PCDHGA3: variants seen among roughly 807,000 people sequenced by gnomAD.
PCDHGA3 encodes the protein protocadherin gamma-A3.
PCDHGA3 carries 40 observed loss-of-function variants against 58.5 expected under a neutral mutation model. That is an observed-to-expected ratio of 0.68 (90% CI 0.53 to 0.89). The LOEUF (loss-of-function observed/expected upper bound fraction) is 0.89, where lower values mean the gene tolerates loss of function less well. Among genes scored for constraint, PCDHGA3 ranks in the 40% least tolerant of loss-of-function variants. The pLI is 0.00. For synonymous variants in PCDHGA3, 530 were observed against 525.7 expected (o/e 1.01, Z -0.11); for missense variants, 1,223 against 1,195.9 (o/e 1.02, Z -0.33).
chr5:141,497,495 T>C (rs193075970), intron 2 of PCDHGA3, among the ~76,000 whole-genome samples: 28 of 151,186 alleles, frequency 1.9e-4, no homozygotes, highest in Admixed American at 1.7e-3. Context: ...TCTCTCTCTC[T>C]CCTCTCTCTG....
rs1258015592 is a variant in PCDHGA3, at chr5:141,346,231, C to G, written c.2198C>G (p.Ala733Gly). ...RLLQASGGGL[A>G]STPGSHFVGA... Reference sequence around the variant, plus strand: ...CTGCAGGCTTCGGGAGGCGGCTTGGCGAGTACGCCCGGCTCGCACTTTGTG... The same window carrying G: ...CTGCAGGCTTCGGGAGGCGGCTTGGGGAGTACGCCCGGCTCGCACTTTGTG... Residue 733 changes from alanine to glycine, a missense_variant, in exon 1 of 4, where the codon GCG becomes GGG. By Grantham distance (60) the Ala-to-Gly change is moderately conservative. Coordinates refer to ENST00000253812, the MANE Select transcript of PCDHGA3 (RefSeq NM_018916.4). 1.9e-6 allele frequency: 3 copies of G among 1,614,200 alleles called. No homozygotes were observed. Among genetic ancestry groups the G allele is most frequent in the Non-Finnish European group, 2.5e-6 (3 of 1,180,042 alleles).
At position 141,427,298 on chromosome 5, in the gene PCDHGA3, G is replaced by A. The variant is rs960474831; in HGVS notation, c.2425-67509G>A. The A allele has an allele frequency of 8.8e-6, 4 of 456,870 alleles. No individual in the cohort carries two copies. The Admixed American group carries it at 9.4e-5, about 11-fold the overall frequency. 28.3% of individuals were successfully genotyped at this position (456,870 alleles called of 1,614,324 possible). A position where few individuals can be genotyped will look rare whatever the true frequency, so the allele number is the denominator to read the frequency against. On this transcript the variant is annotated intron_variant, in intron 1 of 3. Coordinates refer to ENST00000253812, the MANE Select transcript of PCDHGA3 (RefSeq NM_018916.4). ...AAATTATACTAGAAATCCTAGATGA[G>A]AATGACAATGCCCCAGACGTGGTTT...
At chr5:141,404,408 A>G in intron 1 of PCDHGA3, 1 of 1,613,900 alleles carries the variant, frequency 6.2e-7, no homozygotes, top group Non-Finnish European at 8.5e-7. Flanking sequence ...TGAGAATTCT[A>G]GAGTTATTTA....
intron 1 of PCDHGA3, chr5:141,389,276 G>A (rs375882135): frequency 8.7e-6 from 14 of 1,613,858 alleles, no homozygotes; most frequent in Admixed American, 1.7e-5. Flanking sequence ...AGAACAACCC[G>A]CCTGGAGCCT....
chr5:141,383,272 G>C (rs369691483), intron 1 of PCDHGA3: 1 of 1,613,802 alleles, frequency 6.2e-7, no homozygotes, highest in Non-Finnish European at 8.5e-7. Flanking sequence ...GGAAATAATA[G>C]ATATTAATGA....
At chr5:141,385,442 G>A (rs949035085) in intron 1 of PCDHGA3, 28 of 1,449,952 alleles carry the variant, frequency 1.9e-5, no homozygotes, top group South Asian at 1.5e-5. Flanking sequence ...AGGTAAAAAT[G>A]AGTTTACCAG....
intron 1 of PCDHGA3, chr5:141,441,943 C>CT: frequency 1.2e-5 from 4 of 336,004 alleles, no homozygotes; most frequent in South Asian, 1.1e-4. Flanking sequence ...CTACCACGTG[C>CT]TGCAGGCCAG....
chr5:141,397,700 G>A (rs2093557870), intron 1 of PCDHGA3, among the ~76,000 whole-genome samples: 2 of 152,224 alleles, frequency 1.3e-5, no homozygotes, highest in Admixed American at 1.3e-4. Flanking sequence ...AAAACCCAAC[G>A]TGATATTTCT....
intron 3 of PCDHGA3, among the ~76,000 whole-genome samples, chr5:141,510,468 A>G (rs1246106107): frequency 2.0e-5 from 3 of 152,152 alleles, no homozygotes; most frequent in Admixed American, 2.0e-4. Flanking sequence ...TGTGGGAGTC[A>G]GAGGCTCCCT....
chr5:141,483,442 AATCATCAGGACTTGTTG>A (rs2099581330), intron 1 of PCDHGA3, among the ~76,000 whole-genome samples: 1 of 152,196 alleles, frequency 6.6e-6, no homozygotes, highest in Non-Finnish European at 1.5e-5. Context: ...ACTACAATAA[AATCATCAGGACTTGTTG>A]ATTGACATGA....
intron 1 of PCDHGA3, chr5:141,422,401 C>G: frequency 6.3e-7 from 1 of 1,598,896 alleles, no homozygotes; most frequent in Non-Finnish European, 8.5e-7. Context: ...TAACCACCTG[C>G]CTTTTAAATT....
At chr5:141,475,903 G>A in intron 1 of PCDHGA3, 1 of 576,064 alleles carries the variant, frequency 1.7e-6, no homozygotes. Context: ...TGCCGCTGTC[G>A]GCCAATGAAG....
chr5:141,357,567 G>C (rs751974557), intron 1 of PCDHGA3: 39 of 1,614,096 alleles, frequency 2.4e-5, no homozygotes, highest in Non-Finnish European at 3.2e-5. Context: ...AGAAAAGCGA[G>C]CCTCTTCTGA....
chr5:141,407,616 C>T (rs752226894), intron 1 of PCDHGA3, among the ~76,000 whole-genome samples: 3 of 151,970 alleles, frequency 2.0e-5, no homozygotes, highest in Non-Finnish European at 4.4e-5. Flanking sequence ...CATTGGTTGA[C>T]ATTCTATATC....
Position 141,431,300 on chromosome 5 carries a change from A to G in PCDHGA3, c.2425-63507A>G, listed in dbSNP as rs200375087. 7.4e-6 allele frequency: 12 copies of G among 1,614,008 alleles called. No homozygotes were observed. Among genetic ancestry groups the G allele is most frequent in the Admixed American group, 1.7e-5 (1 of 60,010 alleles). ...CAGCCCGAACACTCACTTCTCCCTC[A>G]TCGTGCAAAATGGAGCCGACGGTAG... On this transcript the variant is annotated intron_variant, in intron 1 of 3. Coordinates refer to ENST00000253812, the MANE Select transcript of PCDHGA3 (RefSeq NM_018916.4). This position sits in a 1 kb window ranked among gnomAD's most constrained non-coding sequence, Gnocchi z 4.8.
At chr5:141,389,296 A>C in intron 1 of PCDHGA3, 1 of 1,613,988 alleles carries the variant, frequency 6.2e-7, no homozygotes, top group African/African-American at 1.3e-5. Context: ...TCTATTTCAC[A>C]AGTCAGGGCT....
chr5:141,365,058 C>A lies in PCDHGA3; in HGVS notation c.2424+18601C>A, dbSNP rs769039827. On this transcript the variant is annotated intron_variant, in intron 1 of 3. Coordinates refer to ENST00000253812, the MANE Select transcript of PCDHGA3 (RefSeq NM_018916.4). Reference sequence around the variant, plus strand: ...GCAAACGACAATGCGCCCCTGTTCACCCCATCCGAGTACAGCGTGAGTGTT... The same window carrying A: ...GCAAACGACAATGCGCCCCTGTTCAACCCATCCGAGTACAGCGTGAGTGTT... The A allele has an allele frequency of 1.1e-5, 17 of 1,613,776 alleles. No homozygotes were observed. Among genetic ancestry groups the A allele is most frequent in the Non-Finnish European group, 1.4e-5 (17 of 1,179,912 alleles).
chr5:141,435,951 G>A (rs371199258), intron 1 of PCDHGA3, among the ~76,000 whole-genome samples: 1 of 152,100 alleles, frequency 6.6e-6, no homozygotes, highest in Non-Finnish European at 1.5e-5. Context: ...ACCAAAAAAG[G>A]GGGCAAAATA....
At chr5:141,360,049 A>G (rs1330133031) in intron 1 of PCDHGA3, 2 of 1,434,672 alleles carry the variant, frequency 1.4e-6, no homozygotes, top group African/African-American at 2.9e-5. Flanking sequence ...CAGAAAACAA[A>G]AGCAGGAAAA....
Sources: allele counts gnomAD v4.1 joint callset (sites outside exome capture counted in the v4.1 genomes callset), GRCh38; gene constraint gnomAD v4.1.1; non-coding constraint Gnocchi (gnomAD v3.1); transcripts MANE v1.5; gene names NCBI Gene and HGNC (gene_info 2026-07-23, HGNC 2026-07-21).